Variants in NALF1 observed in about 807,000 individuals in gnomAD.
NALF1 encodes family with sequence similarity 155 member A.
NALF1 carries 3 observed loss-of-function variants against 48.4 expected under a neutral mutation model. That is an observed-to-expected ratio of 0.06 (90% CI 0.03 to 0.16). The LOEUF is 0.16. NALF1 is among the 10% of genes least tolerant of loss of function. The pLI, the probability that NALF1 is intolerant of heterozygous loss-of-function variation, is 1.00. For synonymous variants in NALF1, 262 were observed against 245.7 expected (o/e 1.07, Z -0.62); for missense variants, 526 against 571.5 (o/e 0.92, Z 0.81).
chr13:107,648,993 T>A (rs1403976885), intron 1 of NALF1, among the ~76,000 whole-genome samples: 2 of 152,112 alleles, frequency 1.3e-5, no homozygotes, highest in Non-Finnish European at 2.9e-5. Flanking sequence ...TGGTGAGGAG[T>A]CTTTTCAGAC....
intron 1 of NALF1, among the ~76,000 whole-genome samples, chr13:107,310,072 T>A (rs1390043340): frequency 6.6e-6 from 1 of 152,098 alleles, no homozygotes; most frequent in Non-Finnish European, 1.5e-5. Flanking sequence ...GTTTTGTGTG[T>A]GTGTGTGTTT....
At chr13:107,489,605 T>C (rs1356705264) in intron 1 of NALF1, among the ~76,000 whole-genome samples, 4 of 152,132 alleles carry the variant, frequency 2.6e-5, no homozygotes, top group Admixed American at 6.5e-5. Context: ...CCTTACACCA[T>C]GCACAAAAAT....
chr13:107,635,956 A>G (rs200824187), intron 1 of NALF1, among the ~76,000 whole-genome samples: 39 of 152,198 alleles, frequency 2.6e-4, no homozygotes, highest in Admixed American at 6.5e-5. Context: ...GAAAAATCAC[A>G]TAAGTGAGCT....
chr13:107,860,522 G>A (rs1276669807), intron 1 of NALF1, among the ~76,000 whole-genome samples: 2 of 152,112 alleles, frequency 1.3e-5, no homozygotes, highest in Non-Finnish European at 2.9e-5. Flanking sequence ...TCTTAGGGTT[G>A]GGATGCCCTG....
intron 1 of NALF1, among the ~76,000 whole-genome samples, chr13:107,450,230 G>A (rs1884717187): frequency 6.6e-6 from 1 of 152,004 alleles, no homozygotes; most frequent in Non-Finnish European, 1.5e-5. Flanking sequence ...ACCCATATTT[G>A]AAGGACTGAG....
chr13:107,549,765 T>C (rs1392420372), intron 1 of NALF1, among the ~76,000 whole-genome samples: 2 of 152,154 alleles, frequency 1.3e-5, no homozygotes, highest in African/African-American at 4.8e-5. Flanking sequence ...GAAATGAATA[T>C]TGTTAAATTT....
intron 1 of NALF1, among the ~76,000 whole-genome samples, chr13:107,246,103 C>T (rs1465189619): frequency 6.6e-6 from 1 of 152,152 alleles, no homozygotes; most frequent in Middle Eastern, 3.2e-3. Flanking sequence ...AAACCCAGAG[C>T]ATTTTGCATA....
At chr13:107,383,751 C>T (rs537542101) in intron 1 of NALF1, among the ~76,000 whole-genome samples, 37 of 152,192 alleles carry the variant, frequency 2.4e-4, no homozygotes, top group African/African-American at 8.2e-4. Context: ...TTCCCTTAAA[C>T]AAGAACAAAT....
intron 2 of NALF1, among the ~76,000 whole-genome samples, chr13:107,171,094 G>A (rs905284683): frequency 6.6e-6 from 1 of 152,178 alleles, no homozygotes; most frequent in African/African-American, 2.4e-5. Context: ...GATCAACTTG[G>A]ATATCAAGTA....
At chr13:107,251,377 CA>C (rs1880696883) in intron 1 of NALF1, among the ~76,000 whole-genome samples, 1 of 152,162 alleles carries the variant, frequency 6.6e-6, no homozygotes. Flanking sequence ...CAGAATTTTA[CA>C]AGATGAAAAT....
chr13:107,438,868 G>A (rs1390202562), intron 1 of NALF1, among the ~76,000 whole-genome samples: 1 of 112,334 alleles, frequency 8.9e-6, no homozygotes, highest in African/African-American at 3.2e-5. Flanking sequence ...TATAAAGGGT[G>A]TCGATGTTTG....
intron 1 of NALF1, among the ~76,000 whole-genome samples, chr13:107,810,119 T>G (rs921597523): frequency 2.6e-5 from 4 of 152,072 alleles, no homozygotes; most frequent in African/African-American, 7.2e-5. Context: ...CAATCCTCTT[T>G]CCTAAATATG....
intron 1 of NALF1, among the ~76,000 whole-genome samples, chr13:107,407,020 G>A (rs1456838612): frequency 3.9e-5 from 6 of 151,952 alleles, no homozygotes; most frequent in African/African-American, 1.2e-4. Context: ...GTCTGGAAAA[G>A]ATAGTCTTTT....
At chr13:107,612,981 T>G (rs1479340356) in intron 1 of NALF1, among the ~76,000 whole-genome samples, 2 of 150,242 alleles carry the variant, frequency 1.3e-5, no homozygotes, top group East Asian at 2.0e-4. Flanking sequence ...TGGGTTTTTT[T>G]GGGTTTTTTT....
chr13:107,218,258 C>G (rs1014629541), intron 1 of NALF1, among the ~76,000 whole-genome samples: 1 of 152,218 alleles, frequency 6.6e-6, no homozygotes, highest in Non-Finnish European at 1.5e-5. Context: ...GCAATGAGCT[C>G]TTCTTCGGCA....
At chr13:107,231,507 G>A (rs1880224593) in intron 1 of NALF1, among the ~76,000 whole-genome samples, 1 of 152,074 alleles carries the variant, frequency 6.6e-6, no homozygotes, top group Admixed American at 6.5e-5. Flanking sequence ...GGAAAAAAAC[G>A]TCTTTACATG....
At chr13:107,390,878 T>G (rs1234373022) in intron 1 of NALF1, among the ~76,000 whole-genome samples, 2 of 53,122 alleles carry the variant, frequency 3.8e-5, no homozygotes, top group East Asian at 8.4e-4. Context: ...GCCAGAAGGT[T>G]AATAATAATA....
intron 2 of NALF1, among the ~76,000 whole-genome samples, chr13:107,178,320 T>C (rs1434668032): frequency 2.0e-5 from 3 of 152,336 alleles, no homozygotes; most frequent in Middle Eastern, 3.4e-3. Context: ...AAGGGCTTAA[T>C]AAGCAGAATA....
intron 1 of NALF1, among the ~76,000 whole-genome samples, chr13:107,266,939 A>G (rs1322261161): frequency 6.6e-6 from 1 of 152,100 alleles, no homozygotes; most frequent in Non-Finnish European, 1.5e-5. Context: ...CCTGGCTTGT[A>G]GTGTCTCTAG....
Sources: gnomAD v4.1 joint callset for allele counts (sites outside exome capture counted in the v4.1 genomes callset) on GRCh38, gnomAD v4.1.1 for gene constraint, MANE v1.5 for transcripts, NCBI Gene and HGNC (gene_info 2026-07-23, HGNC 2026-07-21) for gene names.